The following GTF3C2 variants were observed in gnomAD, a reference collection of about 807,000 sequenced individuals.
GTF3C2 encodes the protein general transcription factor 3C polypeptide 2.
A neutral mutation model predicts 117.4 loss-of-function variants in GTF3C2; 17 were observed. The observed-to-expected ratio is 0.14, with a 90% CI of 0.10 to 0.22. The LOEUF is 0.22. GTF3C2 is among the 10% of genes least tolerant of loss of function. The probability of loss-of-function intolerance (pLI) is 1.00; values close to 1 mark genes in which losing one functional copy is unlikely to be tolerated. For missense variants in GTF3C2, 888 were observed against 1,143.6 expected, an observed-to-expected ratio of 0.78 and a Z score of 3.22; for synonymous variants, 437 against 427.0, an observed-to-expected ratio of 1.02 and a Z score of -0.29.
chr2:27,326,382 A>C, exon 19 of GTF3C2: 1 of 521,430 alleles, frequency 1.9e-6, no homozygotes, highest in Non-Finnish European at 3.5e-6. Context: ...TATGCTCAAT[A>C]TGAGCAGTTT....
exon 3 of GTF3C2, chr2:27,342,887 T>C: frequency 6.2e-7 from 1 of 1,614,174 alleles, no homozygotes; most frequent in Non-Finnish European, 8.5e-7. Flanking sequence ...TCAGGGGGCC[T>C]CTTTGGAGAT....
At chr2:27,350,793 A>G (rs1681103722) in intron 1 of GTF3C2, among the ~76,000 whole-genome samples, 1 of 152,026 alleles carries the variant, frequency 6.6e-6, no homozygotes, top group African/African-American at 2.4e-5. Context: ...ACTAAAAAAT[A>G]CAAAAATTAG....
At chr2:27,328,653 G>C in intron 15 of GTF3C2, 57 bp from the exon 16 acceptor site, 1 of 1,416,822 alleles carries the variant, frequency 7.1e-7, no homozygotes, top group Non-Finnish European at 9.9e-7. Context: ...CTATGAACTG[G>C]TAACAGCTGC....
At chr2:27,346,701 T>A (rs183487275) in intron 1 of GTF3C2, among the ~76,000 whole-genome samples, 498 of 149,594 alleles carry the variant, frequency 3.3e-3, no homozygotes, top group African/African-American at 5.9e-3. Context: ...TTAAAAAAAA[T>A]TTTTTTTTTC....
chr2:27,344,035 T>TG (rs1421597391), intron 1 of GTF3C2, among the ~76,000 whole-genome samples: 1 of 151,910 alleles, frequency 6.6e-6, no homozygotes, highest in Non-Finnish European at 1.5e-5. Flanking sequence ...ATTTTTTTTT[T>TG]TTTTTAAAGA....
At chr2:27,336,640 G>A in intron 7 of GTF3C2, 1 of 512,444 alleles carries the variant, frequency 2.0e-6, no homozygotes, top group East Asian at 3.4e-5. Flanking sequence ...TTGAGATGGG[G>A]TCTGTCACCC....
intron 7 of GTF3C2, chr2:27,336,830 G>T: frequency 4.7e-6 from 1 of 214,608 alleles, no homozygotes; most frequent in Non-Finnish European, 9.3e-6. Context: ...GGCTGGTCTT[G>T]AACTCGTGGG....
intron 4 of GTF3C2, 99 bp downstream of exon 4, chr2:27,341,849 A>T: frequency 9.7e-7 from 1 of 1,035,818 alleles, no homozygotes; most frequent in Non-Finnish European, 1.4e-6. Context: ...TTTGTCTATT[A>T]TAGTTACCAG....
chr2:27,356,115 G>A (rs1302950990), intron 1 of GTF3C2: 7 of 1,288,702 alleles, frequency 5.4e-6, no homozygotes, highest in Admixed American at 4.6e-5. Context: ...AAAGTGAGTT[G>A]CCTCCGACGG....
chr2:27,340,891 G>A (rs1680704902), intron 4 of GTF3C2: 1 of 151,980 alleles, frequency 6.6e-6, no homozygotes, highest in African/African-American at 2.4e-5. Flanking sequence ...CTCCCAAAGT[G>A]CTGGGATTAC....
At chr2:27,348,394 C>T (rs1438781145) in intron 1 of GTF3C2, among the ~76,000 whole-genome samples, 1 of 147,896 alleles carries the variant, frequency 6.8e-6, no homozygotes, top group South Asian at 2.2e-4. Flanking sequence ...GAGCAGAGAT[C>T]GCGTTCCTGC....
chr2:27,351,926 A>G (rs1681154787), intron 1 of GTF3C2, among the ~76,000 whole-genome samples: 1 of 152,062 alleles, frequency 6.6e-6, no homozygotes, highest in Non-Finnish European at 1.5e-5. Flanking sequence ...ATTCAGCTAA[A>G]CCGCAGCTAC....
intron 10 of GTF3C2, 45 bp from the exon 11 acceptor site, chr2:27,334,044 C>T: frequency 6.7e-7 from 1 of 1,481,608 alleles, no homozygotes; most frequent in East Asian, 2.3e-5. Flanking sequence ...ATCCCAAGGA[C>T]TCAGCAGGTC....
chr2:27,336,502 A>G (rs1449313662), intron 7 of GTF3C2, 77 bp from the exon 8 acceptor site: 2 of 845,004 alleles, frequency 2.4e-6, no homozygotes, highest in East Asian at 2.5e-5. Context: ...CTCCACCCAG[A>G]GCCAGTATGA....
chr2:27,350,585 A>G (rs944563868), intron 1 of GTF3C2: 79 of 799,640 alleles, frequency 9.9e-5, no homozygotes, highest in Non-Finnish European at 1.2e-4. Flanking sequence ...GGATCGCTTG[A>G]GGCCAGGAGT....
chr2:27,349,144 A>AT (rs36040548), intron 1 of GTF3C2, among the ~76,000 whole-genome samples: 1,104 of 39,218 alleles, frequency 0.028, 9 homozygotes, highest in Non-Finnish European at 0.039. Context: ...GCCTGATTTG[A>AT]TTTTTTTTTT....
At chr2:27,348,341 G>C (rs955446880) in intron 1 of GTF3C2, among the ~76,000 whole-genome samples, 1 of 151,920 alleles carries the variant, frequency 6.6e-6, no homozygotes, top group African/African-American at 2.4e-5. Context: ...TCAGGAATTG[G>C]AAGTGAGAAG....
chr2:27,335,321 A>G (rs1247197348), intron 10 of GTF3C2: 5 of 579,068 alleles, frequency 8.6e-6, no homozygotes, highest in South Asian at 7.6e-5. Flanking sequence ...TTACACAGCC[A>G]GTTACCTGTG....
chr2:27,327,383 C>T lies in GTF3C2; in HGVS notation c.2410-99G>A, dbSNP rs149910093. The T allele has an allele frequency of 7.9e-5, 46 of 585,330 alleles. 1 individual carries two copies. Among genetic ancestry groups the T allele is most frequent in the African/African-American group, 6.6e-4 (35 of 52,928 alleles). The allele number at this position is 585,330 out of a possible 1,614,324, so 36.3% of individuals were successfully genotyped here. Reference sequence around the variant, plus strand: ...TGTCACCCAGGCTGGAGTGCAGTGGCGCGATCTTGGCAGCTCACTACAACC... The same window carrying T: ...TGTCACCCAGGCTGGAGTGCAGTGGTGCGATCTTGGCAGCTCACTACAACC... On this transcript the variant is annotated intron_variant, in intron 17 of 18. Coordinates refer to ENST00000264720, the Ensembl canonical transcript of GTF3C2.
Sources: allele counts gnomAD v4.1 joint callset (sites outside exome capture counted in the v4.1 genomes callset), GRCh38; gene constraint gnomAD v4.1.1; transcripts MANE v1.5; gene names NCBI Gene and HGNC (gene_info 2026-07-23, HGNC 2026-07-21).